Variants in INVS observed in about 807,000 individuals in gnomAD.
INVS encodes the protein inversin.
Under a neutral mutation model 108.8 loss-of-function variants are expected in INVS, and 86 were observed. The observed-to-expected ratio is 0.79, with a 90% confidence interval of 0.66 to 0.95. INVS has a LOEUF of 0.95. Ranked by LOEUF, INVS falls within the 40% of genes least tolerant of loss-of-function variation. INVS has a pLI of 0.00. For synonymous variants in INVS, 455 were observed against 473.5 expected (o/e 0.96, Z 0.51); for missense variants, 1,169 against 1,297.4 (o/e 0.90, Z 1.52).
At chr9:100,213,193 C>T (rs1447169776) in intron 3 of INVS, among the ~76,000 whole-genome samples, 1 of 123,002 alleles carries the variant, frequency 8.1e-6, no homozygotes, top group Non-Finnish European at 1.8e-5. Context: ...AATTTCAACA[C>T]ATGAATTGGG....
At position 100,292,573 on chromosome 9, in the gene INVS, C is replaced by A; in HGVS notation, c.2316C>A (p.Ser772Arg). The A allele has an allele frequency of 6.2e-7, 1 of 1,614,166 alleles. No individual in the cohort carries two copies. Among genetic ancestry groups the A allele is most frequent in the Non-Finnish European group, 8.5e-7 (1 of 1,180,036 alleles). ...RAAASLPPHD[S>R]HWKPSRRHDT... The stretch of plus-strand genomic sequence containing the variant: ...CTGCAAGCCTTCCACCGCACGATAG[C>A]CACTGGAAGCCCAGCAGGCGGCATG... The change falls in exon 14 of 17, where the codon AGC (serine) becomes AGA (arginine). Residue 772 changes from serine to arginine, a missense_variant. By Grantham distance (110) the Ser-to-Arg change is moderately radical. Coordinates refer to ENST00000262457, the MANE Select transcript of INVS (RefSeq NM_014425.5).
At chr9:100,178,830 A>G (rs1829794645) in intron 3 of INVS, among the ~76,000 whole-genome samples, 1 of 152,200 alleles carries the variant, frequency 6.6e-6, no homozygotes, top group Non-Finnish European at 1.5e-5. Flanking sequence ...TCCAAGAAAC[A>G]TAATCGTCAG....
At chr9:100,115,537 G>A (rs1827488169) in intron 2 of INVS, among the ~76,000 whole-genome samples, 1 of 151,930 alleles carries the variant, frequency 6.6e-6, no homozygotes, top group South Asian at 2.1e-4. Flanking sequence ...TCCCACCTAT[G>A]AGTGAGAACA....
chr9:100,298,065 CTT>C (rs766655114), intron 16 of INVS, 55 bp downstream of exon 16: 1 of 1,613,372 alleles, frequency 6.2e-7, no homozygotes. Flanking sequence ...AAGCATTTTC[CTT>C]TGTTTCATCC....
chr9:100,276,681 G>T (rs1833124334), intron 12 of INVS, among the ~76,000 whole-genome samples: 1 of 151,976 alleles, frequency 6.6e-6, no homozygotes, highest in South Asian at 2.1e-4. Context: ...GCTAATTTTT[G>T]TATTTTTAGT....
intron 3 of INVS, among the ~76,000 whole-genome samples, chr9:100,128,514 A>T (rs181861493): frequency 6.6e-6 from 1 of 152,334 alleles, no homozygotes; most frequent in East Asian, 1.9e-4. Flanking sequence ...TGTGCTTTAT[A>T]CAAAGCACCA....
chr9:100,206,570 G>A (rs554635760), intron 3 of INVS, among the ~76,000 whole-genome samples: 140 of 152,158 alleles, frequency 9.2e-4, no homozygotes, highest in South Asian at 5.2e-3. Flanking sequence ...TTGCAGGTGT[G>A]ATACTCCTTT....
chr9:100,178,992 T>C (rs1228754569), intron 3 of INVS, among the ~76,000 whole-genome samples: 6 of 152,148 alleles, frequency 3.9e-5, no homozygotes, highest in African/African-American at 4.8e-5. Flanking sequence ...TTCAACATTC[T>C]TGAAGAAAAG....
intron 6 of INVS, among the ~76,000 whole-genome samples, 177 bp from the exon 7 acceptor site, chr9:100,242,393 C>T (rs904731049): frequency 3.9e-5 from 6 of 152,186 alleles, no homozygotes; most frequent in Non-Finnish European, 5.9e-5. Flanking sequence ...TTCTGTTCTA[C>T]CTCATATTAA....
intron 13 of INVS, among the ~76,000 whole-genome samples, chr9:100,289,845 A>G (rs1036380149): frequency 2.6e-5 from 4 of 152,226 alleles, no homozygotes; most frequent in African/African-American, 9.7e-5. Context: ...TGCAGCTTGT[A>G]TGGACATAAG....
At chr9:100,259,033 G>C (rs541294587) in intron 10 of INVS, among the ~76,000 whole-genome samples, 1 of 152,336 alleles carries the variant, frequency 6.6e-6, no homozygotes, top group African/African-American at 2.4e-5. Flanking sequence ...TACAAAGGCA[G>C]GTAGGCCTCC....
At chr9:100,280,656 A>G (rs1050372513) in intron 12 of INVS, among the ~76,000 whole-genome samples, 1 of 152,224 alleles carries the variant, frequency 6.6e-6, no homozygotes, top group Admixed American at 6.5e-5. Flanking sequence ...TCTAAACTTT[A>G]CAAGTAAAAT....
intron 10 of INVS, among the ~76,000 whole-genome samples, chr9:100,253,410 A>T (rs1185917088): frequency 8.7e-6 from 1 of 114,542 alleles, no homozygotes; most frequent in African/African-American, 3.2e-5. Context: ...TAAATATATG[A>T]TTTTCTTTTT....
At chr9:100,268,287 A>G (rs1832852949) in intron 11 of INVS, among the ~76,000 whole-genome samples, 1 of 152,152 alleles carries the variant, frequency 6.6e-6, no homozygotes, top group Non-Finnish European at 1.5e-5. Context: ...TAAAGGATTC[A>G]TTTTCTTAAT....
At chr9:100,257,997 C>G (rs975154199) in intron 10 of INVS, among the ~76,000 whole-genome samples, 6 of 151,326 alleles carry the variant, frequency 4.0e-5, no homozygotes, top group South Asian at 2.1e-4. Flanking sequence ...ATATCCTGAA[C>G]AGTGTTTTCC....
At chr9:100,293,084 A>G in intron 14 of INVS, 41 bp downstream of exon 14, 1 of 1,547,712 alleles carries the variant, frequency 6.5e-7, no homozygotes, top group Non-Finnish European at 8.9e-7. Flanking sequence ...GTTCTTTGTT[A>G]CTGATATTCT....
chr9:100,245,797 C>T lies in INVS; in HGVS notation c.907-819C>T, dbSNP rs143079883. Among the ~76,000 whole-genome samples, 25 of 152,228 alleles carry T rather than the reference C, an allele frequency of 1.6e-4. No individual in the cohort carries two copies. The East Asian group carries it at 4.2e-3, about 26-fold the overall frequency. ...GGCAAAAGCAAACAAACAAAAAACA[C>T]AGTGAGAGAATGCAGAACCTTCTCT... is the stretch of plus-strand genomic sequence containing the variant. On this transcript the variant is annotated intron_variant, in intron 7 of 16. Coordinates refer to ENST00000262457, the MANE Select transcript of INVS (RefSeq NM_014425.5).
At chr9:100,121,502 A>C (rs1376742382) in intron 2 of INVS, among the ~76,000 whole-genome samples, 1 of 152,174 alleles carries the variant, frequency 6.6e-6, no homozygotes, top group Non-Finnish European at 1.5e-5. Flanking sequence ...TTAAATTGTG[A>C]GTTTATAGCA....
Position 100,264,932 on chromosome 9 carries a change from AGTT to A in INVS, c.1571+12_1571+14del, listed in dbSNP as rs778763067. 3.8e-6 allele frequency: 6 copies of A among 1,567,176 alleles called. No homozygotes were observed. The highest frequency in any genetic ancestry group is 3.5e-6 in the Non-Finnish European group (4 of 1,139,412). On this transcript the variant is annotated splice_donor_5th_base_variant and intron_variant, in intron 11 of 16. Coordinates refer to ENST00000262457, the MANE Select transcript of INVS (RefSeq NM_014425.5). Reference sequence around the variant, plus strand: ...AGATGGAAAACAATGAAGAGAGGTAAGTTGTTGTTGACTTTTTTTTTTTTTTTT... The same window carrying A: ...AGATGGAAAACAATGAAGAGAGGTAAGTTGTTGACTTTTTTTTTTTTTTTT...
Sources: gnomAD v4.1 joint callset for allele counts (sites outside exome capture counted in the v4.1 genomes callset) on GRCh38, gnomAD v4.1.1 for gene constraint, MANE v1.5 for transcripts, NCBI Gene and HGNC (gene_info 2026-07-23, HGNC 2026-07-21) for gene names.